Variants in WDR70 observed in about 807,000 individuals in gnomAD.
The protein encoded by WDR70 is WD repeat domain 70, also known as WD repeat-containing protein 70.
A neutral mutation model predicts 88.6 loss-of-function variants in WDR70; 53 were observed. The observed-to-expected ratio is 0.60, with a 90% CI of 0.48 to 0.75. WDR70 has a LOEUF of 0.75. Among genes scored for constraint, WDR70 ranks in the 30% least tolerant of loss-of-function variants. The pLI, the probability that WDR70 is intolerant of heterozygous loss-of-function variation, is 0.00. For synonymous variants in WDR70, 280 were observed against 270.0 expected (o/e 1.04, Z -0.36); for missense variants, 610 against 823.2 (o/e 0.74, Z 3.17).
intron 9 of WDR70, among the ~76,000 whole-genome samples, chr5:37,571,100 A>C (rs376826286): frequency 1.5e-4 from 23 of 152,230 alleles, no homozygotes; most frequent in African/African-American, 5.5e-4. Flanking sequence ...GTAGTGCTTG[A>C]AAATGTTTGT....
At chr5:37,633,254 T>C (rs1389514899) in intron 10 of WDR70, among the ~76,000 whole-genome samples, 1 of 152,180 alleles carries the variant, frequency 6.6e-6, no homozygotes, top group East Asian at 1.9e-4. Context: ...TATTTCCAAA[T>C]GCTATCTCTT....
intron 5 of WDR70, among the ~76,000 whole-genome samples, chr5:37,398,254 G>A (rs113374434): frequency 0.096 from 14,496 of 151,644 alleles, 2,265 homozygotes; most frequent in African/African-American, 0.33. Flanking sequence ...ACGCCCAGCT[G>A]ATTTTTCGTA....
intron 15 of WDR70, chr5:37,723,335 G>C (rs539430105): frequency 5.3e-5 from 10 of 189,228 alleles, no homozygotes; most frequent in African/African-American, 2.1e-4. Flanking sequence ...TCAGGGAAGT[G>C]TGGCGACCAG....
chr5:37,488,102 A>G (rs1244700904), intron 8 of WDR70, among the ~76,000 whole-genome samples: 2 of 119,558 alleles, frequency 1.7e-5, no homozygotes, highest in Non-Finnish European at 3.4e-5. Context: ...TTTTCCTTTC[A>G]GCACTTTGAC....
chr5:37,476,653 C>T (rs1739495327), intron 7 of WDR70, among the ~76,000 whole-genome samples: 1 of 151,870 alleles, frequency 6.6e-6, no homozygotes, highest in Non-Finnish European at 1.5e-5. Context: ...TGAGATCAAG[C>T]AGTTCTCCTG....
intron 10 of WDR70, among the ~76,000 whole-genome samples, chr5:37,611,002 G>A (rs542543234): frequency 1.2e-3 from 188 of 152,218 alleles, no homozygotes; most frequent in Non-Finnish European, 2.3e-3. Context: ...TGAAGGAAAA[G>A]TAAAGCAGAA....
intron 9 of WDR70, among the ~76,000 whole-genome samples, chr5:37,545,320 G>A (rs1213408405): frequency 2.0e-5 from 3 of 152,096 alleles, no homozygotes; most frequent in Non-Finnish European, 2.9e-5. Context: ...GAAGGCATAA[G>A]CAATTGGCAT....
chr5:37,427,140 A>G (rs1046714897), intron 5 of WDR70, among the ~76,000 whole-genome samples: 1 of 152,064 alleles, frequency 6.6e-6, no homozygotes, highest in Non-Finnish European at 1.5e-5. Context: ...CTATAATCCC[A>G]ACACTTTGGG....
chr5:37,382,010 C>T (rs1253576618), intron 3 of WDR70, among the ~76,000 whole-genome samples: 6 of 152,078 alleles, frequency 3.9e-5, no homozygotes, highest in Non-Finnish European at 8.8e-5. Flanking sequence ...CTGATATACC[C>T]CCATTGCACT....
chr5:37,490,220 T>C (rs1245636842), intron 8 of WDR70, among the ~76,000 whole-genome samples: 5 of 152,052 alleles, frequency 3.3e-5, no homozygotes, highest in Non-Finnish European at 5.9e-5. Context: ...GCCTCTGATG[T>C]TGTGCACAAA....
intron 9 of WDR70, among the ~76,000 whole-genome samples, chr5:37,603,137 GA>G (rs577522789): frequency 0.033 from 4,725 of 141,246 alleles, 110 homozygotes; most frequent in Middle Eastern, 0.11. Context: ...CATAGAAATA[GA>G]AAAAAAAAAA....
At chr5:37,416,568 C>T (rs1261647323) in intron 5 of WDR70, among the ~76,000 whole-genome samples, 1 of 146,072 alleles carries the variant, frequency 6.8e-6, no homozygotes, top group Admixed American at 6.8e-5. Context: ...AGGGAGAGGG[C>T]TTGGGAGAGG....
At chr5:37,629,456 C>G (rs1026974078) in intron 10 of WDR70, among the ~76,000 whole-genome samples, 1 of 152,114 alleles carries the variant, frequency 6.6e-6, no homozygotes, top group African/African-American at 2.4e-5. Context: ...ATCCTTTAGG[C>G]TTTCCTTATT....
intron 8 of WDR70, among the ~76,000 whole-genome samples, chr5:37,502,569 T>G (rs10941340): frequency 0.26 from 39,661 of 152,104 alleles, 5,770 homozygotes; most frequent in East Asian, 0.48. Context: ...TGTTTTAAAT[T>G]CTGTTTATGT....
chr5:37,617,839 T>C (rs1455914263), intron 10 of WDR70, among the ~76,000 whole-genome samples: 3 of 152,178 alleles, frequency 2.0e-5, no homozygotes, highest in Non-Finnish European at 1.5e-5. Flanking sequence ...GTGAAACATA[T>C]ACACTGCCTA....
intron 8 of WDR70, among the ~76,000 whole-genome samples, chr5:37,487,558 C>T (rs1435353810): frequency 2.1e-5 from 3 of 143,124 alleles, no homozygotes; most frequent in African/African-American, 7.8e-5. Flanking sequence ...AAATTTGTAT[C>T]TATATTCTTT....
At chr5:37,734,337 G>A (rs1369253390) in intron 17 of WDR70, among the ~76,000 whole-genome samples, 1 of 151,908 alleles carries the variant, frequency 6.6e-6, no homozygotes, top group African/African-American at 2.4e-5. Context: ...CAATCTAATG[G>A]TATTTCCACA....
At chr5:37,628,326 C>T (rs1332118288) in intron 10 of WDR70, among the ~76,000 whole-genome samples, 8 of 152,120 alleles carry the variant, frequency 5.3e-5, no homozygotes, top group Non-Finnish European at 1.0e-4. Flanking sequence ...TGAAGTGTTC[C>T]CCACTATGTA....
At chr5:37,528,498 AGGGAG>A (rs1278624479) in intron 9 of WDR70, among the ~76,000 whole-genome samples, 1 of 152,118 alleles carries the variant, frequency 6.6e-6, no homozygotes, top group Non-Finnish European at 1.5e-5. Flanking sequence ...GGGAGGGGTG[AGGGAG>A]AGCATTAGGA....
Sources: allele counts gnomAD v4.1 joint callset (sites outside exome capture counted in the v4.1 genomes callset), GRCh38; gene constraint gnomAD v4.1.1; transcripts MANE v1.5; gene names NCBI Gene and HGNC (gene_info 2026-07-23, HGNC 2026-07-21).